PRMT8: variants seen among roughly 807,000 people sequenced by gnomAD.
PRMT8 encodes the protein protein arginine methyltransferase 8, also known as protein arginine N-methyltransferase 8.
In PRMT8, 7 loss-of-function variants were observed where a neutral mutation model predicts 47.1. The ratio of observed to expected loss-of-function variants is 0.15; its 90% confidence interval spans 0.08 to 0.28. PRMT8 has a LOEUF of 0.28. Ranked by LOEUF, PRMT8 falls within the 10% of genes least tolerant of loss-of-function variation. The pLI is 1.00. For synonymous variants in PRMT8, 188 were observed against 186.5 expected, an observed-to-expected ratio of 1.01 and a Z score of -0.07; for missense variants, 237 against 505.4, an observed-to-expected ratio of 0.47 and a Z score of 5.09.
rs192033041 is a variant in PRMT8 at position 3,497,191 on chromosome 12, G to A, written c.75+5491G>A. 1.6e-4 allele frequency among the ~76,000 whole-genome samples: 24 copies of A among 152,322 alleles called. No individual in the cohort carries two copies. In the East Asian group the frequency reaches 4.4e-3, roughly 28 times the overall value. On this transcript the variant is annotated intron_variant, in intron 1 of 9. Transcript: ENST00000382622. ...ATGTGAACAGCCAAGGTAACTGAAA[G>A]CAGCCTCTGTGTGTGAGAAGCAAGC...
Position 3,580,614 on chromosome 12 carries a change from G to A in PRMT8, c.829-2444G>A, listed in dbSNP as rs768759982. On this transcript the variant is annotated intron_variant, in intron 7 of 9. Coordinates refer to ENST00000382622, the MANE Select transcript of PRMT8 (RefSeq NM_019854.5). This position sits in a 1 kb window ranked among gnomAD's most constrained non-coding sequence, Gnocchi z 4.6. ...CACTGAGGATACACAGGACAATGAG[G>A]TGTAACTTCTGCCACTGAAGGCTTC... is the stretch of plus-strand genomic sequence containing the variant. Among the ~76,000 whole-genome samples the A allele has an allele frequency of 2.6e-5, 4 of 152,166 alleles. No individual in the cohort carries two copies. Among genetic ancestry groups the A allele is most frequent in the Non-Finnish European group, 2.9e-5 (2 of 68,036 alleles).
At chr12:3,529,838 A>G (rs1015273502) in intron 1 of PRMT8, among the ~76,000 whole-genome samples, 9 of 152,158 alleles carry the variant, frequency 5.9e-5, no homozygotes, top group African/African-American at 1.7e-4. Context: ...GATCCTCACC[A>G]GTTATGCTCT....
At chr12:3,446,080 A>G (rs1176994196) in intron 1 of PRMT8, among the ~76,000 whole-genome samples, 2 of 151,728 alleles carry the variant, frequency 1.3e-5, no homozygotes, top group Non-Finnish European at 2.9e-5. Flanking sequence ...CCCCCTCCCC[A>G]CCCTCAGTTC....
chr12:3,412,319 G>A (rs1324273071), intron 1 of PRMT8, among the ~76,000 whole-genome samples: 2 of 152,220 alleles, frequency 1.3e-5, no homozygotes, highest in African/African-American at 4.8e-5. Flanking sequence ...TACAGAACTA[G>A]AAGTTGTTCT....
intron 1 of PRMT8, among the ~76,000 whole-genome samples, chr12:3,533,283 G>C (rs1591589169): frequency 6.6e-6 from 1 of 152,166 alleles, no homozygotes; most frequent in South Asian, 2.1e-4. Flanking sequence ...ACCAGAGCAA[G>C]CTGGGGAGCC....
Position 3,486,012 on chromosome 12 carries a change from T to A in PRMT8, c.49-54594T>A, listed in dbSNP as rs538742819. On this transcript the variant is annotated intron_variant, in intron 1 of 9. Transcript: ENST00000452611. ...TCGGGTTGCCCTGACGCACCAGAGGTCAGCCCTATGCTAAGGCAGATGACA... is the reference window on the plus strand; with the variant it reads ...TCGGGTTGCCCTGACGCACCAGAGGACAGCCCTATGCTAAGGCAGATGACA... Among the ~76,000 whole-genome samples, 3 of 152,300 alleles carry A rather than the reference T, an allele frequency of 2.0e-5. No individual in the cohort carries two copies. The East Asian group carries it at 5.8e-4, about 29-fold the overall frequency.
intron 1 of PRMT8, among the ~76,000 whole-genome samples, chr12:3,429,410 A>G (rs911639450): frequency 6.6e-6 from 1 of 152,146 alleles, no homozygotes; most frequent in Non-Finnish European, 1.5e-5. Context: ...GGGTGGGCCT[A>G]CTTTGTGCCT....
At chr12:3,562,907 G>C (rs1045465714) in intron 4 of PRMT8, among the ~76,000 whole-genome samples, 1 of 152,104 alleles carries the variant, frequency 6.6e-6, no homozygotes, top group African/African-American at 2.4e-5. Flanking sequence ...AGAGAAACTT[G>C]GAATGGTTTT....
At chr12:3,518,678 C>T (rs916552274) in intron 1 of PRMT8, among the ~76,000 whole-genome samples, 3 of 152,078 alleles carry the variant, frequency 2.0e-5, no homozygotes, top group Non-Finnish European at 4.4e-5. Flanking sequence ...GGCCCAAATG[C>T]AAGACCCTAG....
At chr12:3,402,134 C>CA (rs138161360) in intron 1 of PRMT8, among the ~76,000 whole-genome samples, 47,628 of 149,886 alleles carry the variant, frequency 0.32, 8,693 homozygotes, top group African/African-American at 0.53. Flanking sequence ...AGAACAAACA[C>CA]TGACTAGTGG....
At chr12:3,496,214 A>ATATATATATATATATATTTTTTTTTT in intron 1 of PRMT8, among the ~76,000 whole-genome samples, 1 of 27,776 alleles carries the variant, frequency 3.6e-5, no homozygotes, top group African/African-American at 8.8e-5. Flanking sequence ...ATATATATAT[A>ATATATATATATATATATTTTTTTTTT]TTTTTTTTTT....
intron 1 of PRMT8, among the ~76,000 whole-genome samples, chr12:3,459,546 G>A (rs1187307319): frequency 6.6e-6 from 1 of 152,118 alleles, no homozygotes; most frequent in Non-Finnish European, 1.5e-5. Flanking sequence ...CAGGGTCTCT[G>A]GAATCCTACC....
chr12:3,455,441 G>C (rs1398982978), intron 1 of PRMT8, among the ~76,000 whole-genome samples: 1 of 152,102 alleles, frequency 6.6e-6, no homozygotes, highest in Admixed American at 6.5e-5. Context: ...TTCAGGCGTC[G>C]ATGCTGCCCT....
rs750377248 is a variant in PRMT8 at position 3,564,672 on chromosome 12, G to A, written c.482-4034G>A. On this transcript the variant is annotated intron_variant, in intron 4 of 9. Transcript: ENST00000382622. This position sits in a 1 kb window ranked among gnomAD's most constrained non-coding sequence, Gnocchi z 4.0. Reference sequence around the variant, plus strand: ...CCTTCTGGAATAAAAACATGGATCCGGACGGTGACCTCAGTGCAACCTTGA... The same window carrying A: ...CCTTCTGGAATAAAAACATGGATCCAGACGGTGACCTCAGTGCAACCTTGA... Among the ~76,000 whole-genome samples the A allele has an allele frequency of 2.6e-5, 4 of 152,330 alleles. No individual in the cohort carries two copies. Among genetic ancestry groups the A allele is most frequent in the Non-Finnish European group, 5.9e-5 (4 of 68,034 alleles).
At chr12:3,479,487 G>A (rs1157381743) in intron 1 of PRMT8, among the ~76,000 whole-genome samples, 1 of 152,142 alleles carries the variant, frequency 6.6e-6, no homozygotes, top group Non-Finnish European at 1.5e-5. Context: ...AGAAGCCCTT[G>A]AAGCTGTTAT....
At chr12:3,585,153 A>G (rs527911193) in intron 8 of PRMT8, among the ~76,000 whole-genome samples, 1 of 152,142 alleles carries the variant, frequency 6.6e-6, no homozygotes, top group South Asian at 2.1e-4. Flanking sequence ...AAATTGCTCT[A>G]AGAAGTGTAT....
intron 1 of PRMT8, among the ~76,000 whole-genome samples, chr12:3,419,828 C>G (rs1864520562): frequency 6.6e-6 from 1 of 151,836 alleles, no homozygotes; most frequent in East Asian, 1.9e-4. Flanking sequence ...CCTGGCTTGT[C>G]CAGGGCATGG....
chr12:3,425,299 T>G (rs1864591782), intron 1 of PRMT8, among the ~76,000 whole-genome samples: 1 of 152,248 alleles, frequency 6.6e-6, no homozygotes, highest in Non-Finnish European at 1.5e-5. Context: ...GCCCAAGAGT[T>G]AGCTTATCCG....
At position 3,492,588 on chromosome 12, in the gene PRMT8, G is replaced by T. The variant is rs975081972; in HGVS notation, c.75+888G>T. 1.4e-4 allele frequency among the ~76,000 whole-genome samples: 22 copies of T among 152,216 alleles called. No homozygotes were observed. The highest frequency in any genetic ancestry group is 9.8e-4 in the Admixed American group (15 of 15,288). On this transcript the variant is annotated intron_variant, in intron 1 of 9. Coordinates refer to ENST00000382622, the MANE Select transcript of PRMT8 (RefSeq NM_019854.5). The surrounding 1 kb of genome is among the most constrained non-coding windows in gnomAD (Gnocchi z 7.5). ...TCCAGCTGGCCCTGAGCCGCAGAGA[G>T]CCCTGCTGGGCTTTGCGTCCCGAGA... is the stretch of plus-strand genomic sequence containing the variant.
Sources: allele counts gnomAD v4.1 joint callset (sites outside exome capture counted in the v4.1 genomes callset), GRCh38; gene constraint gnomAD v4.1.1; non-coding constraint Gnocchi (gnomAD v3.1); transcripts MANE v1.5; gene names NCBI Gene and HGNC (gene_info 2026-07-23, HGNC 2026-07-21).